Variants in UGGT1 observed in about 807,000 individuals in gnomAD.
UGGT1 encodes UDP-glucose:glycoprotein glucosyltransferase 1.
Under a neutral mutation model 203.9 loss-of-function variants are expected in UGGT1, and 107 were observed. That is an observed-to-expected ratio of 0.52 (90% CI 0.45 to 0.62). UGGT1 has a LOEUF of 0.62. Ranked by LOEUF, UGGT1 falls within the 20% of genes least tolerant of loss-of-function variation. UGGT1 has a pLI of 0.00. For missense variants in UGGT1, 1,673 were observed against 1,867.2 expected (o/e 0.90, Z 1.92); for synonymous variants, 628 against 653.5 (o/e 0.96, Z 0.59).
At chr2:128,118,635 C>G (rs1428038840) in intron 8 of UGGT1, among the ~76,000 whole-genome samples, 1 of 152,158 alleles carries the variant, frequency 6.6e-6, no homozygotes, top group Non-Finnish European at 1.5e-5. Flanking sequence ...TATGCATTCA[C>G]AGCACAAAGG....
At chr2:128,177,723 T>G in intron 32 of UGGT1, 109 bp from the exon 33 acceptor site, 1 of 873,770 alleles carries the variant, frequency 1.1e-6, no homozygotes, top group African/African-American at 1.7e-5. Context: ...TGTGAGAGAA[T>G]TGATTGATAA....
At position 128,143,147 on chromosome 2, in the gene UGGT1, T is replaced by C; in HGVS notation, c.1773T>C (p.Ser591=). ...AAGTGAAAGTTGAACATGTGGTCAGTGTCCTGGAGAAGAAATATCCGTATG... is the reference window on the plus strand; with the variant it reads ...AAGTGAAAGTTGAACATGTGGTCAGCGTCCTGGAGAAGAAATATCCGTATG... The part of the protein sequence containing the change: ...GEKVKVEHVV[S]VLEKKYPYVE... Residue 591 remains serine, a synonymous_variant, in exon 17 of 41, where the codon AGT becomes AGC. Transcript: ENST00000259253. 3 of 1,613,994 alleles carry C rather than the reference T, an allele frequency of 1.9e-6. No individual in the cohort carries two copies. Among genetic ancestry groups the C allele is most frequent in the Non-Finnish European group, 2.5e-6 (3 of 1,179,942 alleles).
chr2:128,096,224 A>G (rs1687111042), intron 1 of UGGT1, among the ~76,000 whole-genome samples: 1 of 152,216 alleles, frequency 6.6e-6, no homozygotes, highest in Non-Finnish European at 1.5e-5. Flanking sequence ...TAGATGGGAC[A>G]GTTGGCTTGG....
chr2:128,174,797 C>T lies in UGGT1; in HGVS notation c.3478C>T (p.Pro1160Ser). The change falls in exon 31 of 41, where the codon CCA becomes TCA. Residue 1160 changes from proline (P) to serine (S), a missense_variant. Pro to Ser is a moderately conservative substitution (Grantham distance 74). Transcript: ENST00000259253. ...GGGCTACTTTCAGCTGAAAGCCAAC[C>T]CAGGAGCTTGGATCCTCAGACTTAG... Reference protein sequence around the residue: ...NLGYFQLKANPGAWILRLRKG... With the variant: ...NLGYFQLKANSGAWILRLRKG... 6.2e-7 allele frequency: 1 copy of T among 1,613,794 alleles called. No homozygotes were observed. Among genetic ancestry groups the T allele is most frequent in the Non-Finnish European group, 8.5e-7 (1 of 1,179,862 alleles).
chr2:128,150,524 G>T (rs1333751373), intron 18 of UGGT1, among the ~76,000 whole-genome samples: 1 of 151,994 alleles, frequency 6.6e-6, no homozygotes, highest in Non-Finnish European at 1.5e-5. Context: ...CCCCTGTGCT[G>T]TACTACTCAT....
chr2:128,161,470 A>G (rs964397836), intron 25 of UGGT1, among the ~76,000 whole-genome samples: 1 of 152,212 alleles, frequency 6.6e-6, no homozygotes, highest in Non-Finnish European at 1.5e-5. Flanking sequence ...GTACTATTTA[A>G]GGAACTGAAC....
rs1435652177 is a variant in UGGT1 at position 128,110,684 on chromosome 2, G to C, written c.521+938G>C. The stretch of plus-strand genomic sequence containing the variant: ...CTGAGAGGCGGTAACTGCTTTTAAT[G>C]GTTTGGCATATATACCTTCAGACTT... On this transcript the variant is annotated intron_variant, in intron 5 of 40. Coordinates refer to ENST00000259253, the MANE Select transcript of UGGT1 (RefSeq NM_020120.4). Among the ~76,000 whole-genome samples, 27 of 152,118 alleles carry C rather than the reference G, an allele frequency of 1.8e-4. 1 individual carries two copies. Among genetic ancestry groups the C allele is most frequent in the Non-Finnish European group, 2.1e-4 (14 of 68,020 alleles).
chr2:128,128,286 A>G (rs886453025), intron 12 of UGGT1, among the ~76,000 whole-genome samples: 1 of 150,094 alleles, frequency 6.7e-6, no homozygotes, highest in Non-Finnish European at 1.5e-5. Flanking sequence ...AATTTTTTTA[A>G]TCACATCTTA....
chr2:128,179,666 T>C, intron 34 of UGGT1, 120 bp from the exon 35 acceptor site: 1 of 761,378 alleles, frequency 1.3e-6, no homozygotes, highest in Non-Finnish European at 2.1e-6. Context: ...CTCGGCCTAA[T>C]TGAGCCATTA....
In UGGT1 at chr2:128,129,021, C is replaced by G. The variant is rs1355666276; in HGVS notation, c.1227-8C>G. 2 of 1,535,512 alleles carry G rather than the reference C, an allele frequency of 1.3e-6. No homozygotes were observed. The highest frequency in any genetic ancestry group is 1.7e-6 in the Non-Finnish European group (2 of 1,147,120). On this transcript the variant is annotated splice_region_variant and splice_polypyrimidine_tract_variant and intron_variant, in intron 12 of 40. Coordinates refer to ENST00000259253, the MANE Select transcript of UGGT1 (RefSeq NM_020120.4). ...CTAGTAAATATCTCTTTTTGTTTTT[C>G]CCCCCAGTCTGTTTGATGTGTTGAG...
intron 31 of UGGT1, among the ~76,000 whole-genome samples, chr2:128,175,650 G>C (rs13026746): frequency 0.17 from 26,155 of 152,162 alleles, 2,669 homozygotes; most frequent in South Asian, 0.32. Flanking sequence ...ACAGTAGAAG[G>C]TTTTTTCCCA....
chr2:128,156,510 G>A (rs1156726131), intron 21 of UGGT1, 95 bp downstream of exon 21: 2 of 915,646 alleles, frequency 2.2e-6, no homozygotes, highest in Non-Finnish European at 3.3e-6. Flanking sequence ...TAATTGTACT[G>A]TTTCCGGAAT....
chr2:128,153,200 G>C (rs542757279), intron 19 of UGGT1, among the ~76,000 whole-genome samples: 1 of 152,166 alleles, frequency 6.6e-6, no homozygotes, highest in East Asian at 1.9e-4. Flanking sequence ...GATGAGAATG[G>C]ACCTGGATTG....
At chr2:128,117,136 C>A (rs929334773) in intron 8 of UGGT1, among the ~76,000 whole-genome samples, 2 of 152,092 alleles carry the variant, frequency 1.3e-5, no homozygotes, top group African/African-American at 4.8e-5. Flanking sequence ...TTTGCCCAGG[C>A]TGGAGTGCAG....
rs1687975760 is a variant in UGGT1 at position 128,113,763 on chromosome 2, G to A, written c.696+505G>A. 9.1e-4 allele frequency among the ~76,000 whole-genome samples: 3 copies of A among 3,288 alleles called. 1 individual carries two copies. Among genetic ancestry groups the A allele is most frequent in the African/African-American group, 1.1e-3 (3 of 2,766 alleles). The allele number at this position is 3,288 out of a possible 152,430, so 2.2% of individuals were successfully genotyped here. Reference sequence around the variant, plus strand: ...TGGGAGGCCGAGGCGGGCGGATCACGAGGTCAGGAGATCGAGACCATCCTG... The same window carrying A: ...TGGGAGGCCGAGGCGGGCGGATCACAAGGTCAGGAGATCGAGACCATCCTG... On this transcript the variant is annotated intron_variant, in intron 6 of 40. Transcript: ENST00000259253.
At chr2:128,167,363 G>A (rs755297974) in intron 26 of UGGT1, among the ~76,000 whole-genome samples, 5 of 152,142 alleles carry the variant, frequency 3.3e-5, no homozygotes, top group Non-Finnish European at 7.4e-5. Flanking sequence ...AGTTGTGTCA[G>A]TTAAATGAAT....
chr2:128,189,744 C>T lies in UGGT1; in HGVS notation c.*2C>T. On this transcript the variant is annotated 3_prime_UTR_variant, in exon 41 of 41. Coordinates refer to ENST00000259253, the MANE Select transcript of UGGT1 (RefSeq NM_020120.4). ...CCTCAGAAACGTGAAGAATTATGAT[C>T]TCTGGAGAAGGACAGGAAATCACCC... 1.2e-6 allele frequency: 2 copies of T among 1,612,956 alleles called. No individual in the cohort carries two copies. Among genetic ancestry groups the T allele is most frequent in the Non-Finnish European group, 1.7e-6 (2 of 1,179,342 alleles).
chr2:128,121,590 A>G (rs2105392672), intron 10 of UGGT1, among the ~76,000 whole-genome samples: 1 of 152,188 alleles, frequency 6.6e-6, no homozygotes, highest in East Asian at 1.9e-4. Flanking sequence ...TATTTTTAGT[A>G]GAGACAGGGT....
intron 21 of UGGT1, 136 bp downstream of exon 21, chr2:128,156,551 G>A: frequency 2.1e-6 from 1 of 486,674 alleles, no homozygotes; most frequent in Non-Finnish European, 3.5e-6. Flanking sequence ...TATCAATGTA[G>A]ATAATTTTTT....
Sources: allele counts gnomAD v4.1 joint callset (sites outside exome capture counted in the v4.1 genomes callset), GRCh38; gene constraint gnomAD v4.1.1; transcripts MANE v1.5; gene names NCBI Gene and HGNC (gene_info 2026-07-23, HGNC 2026-07-21).